The following SYT14 variants were observed in gnomAD, a reference collection of about 807,000 sequenced individuals.
SYT14 encodes the protein synaptotagmin 14, also known as synaptotagmin-14.
A neutral mutation model predicts 74.2 loss-of-function variants in SYT14; 32 were observed. That is an observed-to-expected ratio of 0.43 (90% CI 0.33 to 0.58). The LOEUF (loss-of-function observed/expected upper bound fraction) is 0.58, where lower values mean the gene tolerates loss of function less well. SYT14 is among the 20% of genes least tolerant of loss of function. The probability of loss-of-function intolerance (pLI) is 0.05; values close to 1 mark genes in which losing one functional copy is unlikely to be tolerated. For missense variants in SYT14, 791 were observed against 981.8 expected, an observed-to-expected ratio of 0.81 and a Z score of 2.60; for synonymous variants, 298 against 337.7, an observed-to-expected ratio of 0.88 and a Z score of 1.29.
intron 2 of SYT14, among the ~76,000 whole-genome samples, chr1:209,997,160 AAG>A (rs2079812697): frequency 9.7e-6 from 1 of 103,202 alleles, no homozygotes; most frequent in African/African-American, 5.2e-5. Flanking sequence ...TAGGGAAAAA[AAG>A]AAAAAAAAAA....
intron 7 of SYT14, among the ~76,000 whole-genome samples, chr1:210,104,049 A>G (rs909375599): frequency 3.3e-5 from 5 of 152,220 alleles, no homozygotes; most frequent in African/African-American, 1.2e-4. Flanking sequence ...GGAAACCTCA[A>G]TACAGACTGA....
intron 6 of SYT14, among the ~76,000 whole-genome samples, chr1:210,097,635 A>G (rs1032749511): frequency 2.0e-5 from 3 of 152,222 alleles, no homozygotes; most frequent in Non-Finnish European, 4.4e-5. Flanking sequence ...CTATTTTAGA[A>G]AATATTTAAT....
intron 2 of SYT14, among the ~76,000 whole-genome samples, chr1:209,993,472 C>T (rs1474915102): frequency 6.6e-6 from 1 of 152,224 alleles, no homozygotes; most frequent in Non-Finnish European, 1.5e-5. Flanking sequence ...CTCCAGCCTG[C>T]AGCCAAGATC....
chr1:210,037,573 G>A (rs2080694586), intron 5 of SYT14, among the ~76,000 whole-genome samples: 1 of 149,690 alleles, frequency 6.7e-6, no homozygotes, highest in Non-Finnish European at 1.5e-5. Flanking sequence ...TAGGTACATA[G>A]TGCTATAGAC....
chr1:210,005,561 G>A (rs763865818), intron 2 of SYT14, among the ~76,000 whole-genome samples: 2 of 151,940 alleles, frequency 1.3e-5, no homozygotes, highest in African/African-American at 4.8e-5. Flanking sequence ...AGATAATTGT[G>A]AAGGAATCCA....
rs76415770 is a variant in SYT14 at position 210,107,869 on chromosome 1, A to ATT, written c.2034+7416_2034+7417dup. Among the ~76,000 whole-genome samples, 8 of 151,040 alleles carry ATT rather than the reference A, an allele frequency of 5.3e-5. No homozygotes were observed. In the South Asian group the frequency reaches 8.4e-4, roughly 16 times the overall value. On this transcript the variant is annotated intron_variant, in intron 7 of 9. Transcript: ENST00000637265. ...GCAATTTAGGTTTAGGTTTATGGTG[A>ATT]TTTTTTTTTACTTCTATCTTTGTTT...
chr1:210,043,934 G>T (rs527331839), intron 5 of SYT14, among the ~76,000 whole-genome samples: 2 of 151,938 alleles, frequency 1.3e-5, no homozygotes, highest in Non-Finnish European at 2.9e-5. Flanking sequence ...GGATAATACC[G>T]AGAATTTCTG....
Position 210,072,849 on chromosome 1 carries a change from T to C in SYT14, c.1313-21473T>C, listed in dbSNP as rs141805673. On this transcript the variant is annotated intron_variant, in intron 5 of 9. Transcript: ENST00000637265. ...TTGTTCAGGTATATTAAATTTTCTG[T>C]ATTTTTTGGGACATACTAAATTTAA... is the stretch of plus-strand genomic sequence containing the variant. Among the ~76,000 whole-genome samples, 1,331 of 152,086 alleles carry C rather than the reference T, an allele frequency of 8.8e-3. 15 individuals are homozygous for C. The highest frequency in any genetic ancestry group is 0.03 in the African/African-American group (1,257 of 41,544).
At chr1:210,110,129 T>A (rs1000824529) in intron 7 of SYT14, among the ~76,000 whole-genome samples, 2 of 151,374 alleles carry the variant, frequency 1.3e-5, no homozygotes, top group Non-Finnish European at 2.9e-5. Context: ...GGATTGAGGG[T>A]TAGGGGAGGG....
chr1:210,124,191 A>G (rs553218972), intron 7 of SYT14, among the ~76,000 whole-genome samples: 24 of 152,132 alleles, frequency 1.6e-4, no homozygotes, highest in Admixed American at 1.6e-3. Context: ...AAAATTTACT[A>G]TCTGGCCCTT....
At chr1:210,127,872 C>A (rs2082598421) in intron 7 of SYT14, among the ~76,000 whole-genome samples, 1 of 151,596 alleles carries the variant, frequency 6.6e-6, no homozygotes, top group Non-Finnish European at 1.5e-5. Flanking sequence ...CTAAAAATAC[C>A]AAAAATTAGC....
intron 7 of SYT14, among the ~76,000 whole-genome samples, chr1:210,105,042 T>C (rs1220887368): frequency 6.6e-6 from 1 of 151,926 alleles, no homozygotes; most frequent in Admixed American, 6.6e-5. Context: ...AGACAAATGG[T>C]TCTCGAAGTA....
At chr1:209,996,605 T>A (rs533955371) in intron 2 of SYT14, among the ~76,000 whole-genome samples, 1 of 152,186 alleles carries the variant, frequency 6.6e-6, no homozygotes, top group African/African-American at 2.4e-5. Context: ...TAACTCATTC[T>A]ACAAAGCCAG....
intron 7 of SYT14, among the ~76,000 whole-genome samples, chr1:210,102,104 TA>T (rs1342650431): frequency 6.6e-6 from 1 of 152,228 alleles, no homozygotes; most frequent in African/African-American, 2.4e-5. Context: ...TTATTTTTTT[TA>T]ACTTTTATTT....
At chr1:210,074,999 G>A (rs1029231064) in intron 5 of SYT14, among the ~76,000 whole-genome samples, 16 of 152,186 alleles carry the variant, frequency 1.1e-4, no homozygotes, top group African/African-American at 3.6e-4. Flanking sequence ...CAGATTACAC[G>A]TGGGCTTGGA....
chr1:210,108,554 G>T (rs370414239), intron 7 of SYT14, among the ~76,000 whole-genome samples: 55 of 152,178 alleles, frequency 3.6e-4, no homozygotes, highest in African/African-American at 1.3e-3. Context: ...TTTGGAAAGT[G>T]AGGGTTTAGG....
intron 7 of SYT14, among the ~76,000 whole-genome samples, chr1:210,107,256 C>CCAA (rs1331324667): frequency 7.2e-5 from 11 of 152,332 alleles, no homozygotes; most frequent in Admixed American, 7.2e-4. Context: ...AGGCTGTCTT[C>CCAA]CAACAACAGC....
intron 1 of SYT14, among the ~76,000 whole-genome samples, chr1:209,942,363 C>G (rs1181178721): frequency 7.4e-5 from 4 of 54,026 alleles, no homozygotes; most frequent in Admixed American, 3.1e-4. Context: ...CAAATTTACC[C>G]CCCCCCCCCC....
At chr1:210,162,653 T>G (rs2083396726) in exon 10 of SYT14, 2 of 442,006 alleles carry the variant, frequency 4.5e-6, no homozygotes, top group African/African-American at 4.1e-5. Context: ...TATATATTAT[T>G]GTAAACTAGA....
Sources: gnomAD v4.1 joint callset for allele counts (sites outside exome capture counted in the v4.1 genomes callset) on GRCh38, gnomAD v4.1.1 for gene constraint, MANE v1.5 for transcripts, NCBI Gene and HGNC (gene_info 2026-07-23, HGNC 2026-07-21) for gene names.